DGKB: variants seen among roughly 807,000 people sequenced by gnomAD.
The protein encoded by DGKB is 90 kDa diacylglycerol kinase.
In DGKB, 67 loss-of-function variants were observed where a neutral mutation model predicts 114.3. The observed-to-expected ratio is 0.59, with a 90% CI of 0.48 to 0.72. The LOEUF is 0.72. DGKB is among the 30% of genes least tolerant of loss of function. The pLI, the probability that DGKB is intolerant of heterozygous loss-of-function variation, is 0.00. For missense variants in DGKB, 907 were observed against 975.2 expected (o/e 0.93, Z 0.93); for synonymous variants, 398 against 323.1 (o/e 1.23, Z -2.49).
intron 21 of DGKB, among the ~76,000 whole-genome samples, chr7:14,368,944 C>T (rs1252959111): frequency 1.3e-5 from 2 of 151,700 alleles, no homozygotes; most frequent in African/African-American, 4.8e-5. Context: ...TTTTGTTTTT[C>T]AATTTCTGGG....
chr7:14,256,197 T>C (rs73273678), intron 23 of DGKB, among the ~76,000 whole-genome samples: 8,529 of 152,248 alleles, frequency 0.056, 754 homozygotes, highest in African/African-American at 0.19. Flanking sequence ...ATCTTCCTCT[T>C]CCACATACTC....
intron 1 of DGKB, among the ~76,000 whole-genome samples, chr7:14,972,420 G>C (rs1265190748): frequency 6.6e-6 from 1 of 151,922 alleles, no homozygotes; most frequent in East Asian, 1.9e-4. Flanking sequence ...TTCCAGATCA[G>C]TTAACTAAAA....
chr7:14,763,916 G>A (rs960559182), intron 2 of DGKB, among the ~76,000 whole-genome samples: 1 of 151,930 alleles, frequency 6.6e-6, no homozygotes, highest in Non-Finnish European at 1.5e-5. Flanking sequence ...AGAGATATTG[G>A]TTTTCCAGGC....
At position 14,158,144 on chromosome 7, in the gene DGKB, C is replaced by A. The variant is rs939233553; in HGVS notation, c.2305-8906G>T. Among the ~76,000 whole-genome samples the A allele has an allele frequency of 3.9e-5, 6 of 152,234 alleles. No individual in the cohort carries two copies. In the East Asian group the frequency reaches 9.6e-4, roughly 24 times the overall value. Reference sequence around the variant, plus strand: ...TACTTTGAAAGACCACTACAAATACCAAATAAGGCTATGCATGTCATATAC... The same window carrying A: ...TACTTTGAAAGACCACTACAAATACAAAATAAGGCTATGCATGTCATATAC... On this transcript the variant is annotated intron_variant, in intron 25 of 25. Transcript: ENST00000402815.
chr7:14,862,133 TC>T (rs924703707), intron 1 of DGKB, among the ~76,000 whole-genome samples: 12 of 151,678 alleles, frequency 7.9e-5, no homozygotes, highest in African/African-American at 2.9e-4. Flanking sequence ...TTATTTTCTT[TC>T]CCCCCCAGCT....
At chr7:14,302,429 A>T (rs998933626) in intron 23 of DGKB, among the ~76,000 whole-genome samples, 7 of 152,040 alleles carry the variant, frequency 4.6e-5, no homozygotes, top group African/African-American at 1.7e-4. Context: ...TTAAATTGTA[A>T]GTTAGATCAT....
chr7:14,602,874 T>A (rs1002997970), intron 17 of DGKB, among the ~76,000 whole-genome samples: 1 of 152,130 alleles, frequency 6.6e-6, no homozygotes, highest in Non-Finnish European at 1.5e-5. Flanking sequence ...TTCTTTAGAG[T>A]GTTTCAGCAA....
At chr7:14,753,882 A>G in intron 4 of DGKB, 46 bp downstream of exon 4, 2 of 1,172,258 alleles carry the variant, frequency 1.7e-6, no homozygotes, top group South Asian at 1.3e-5. Context: ...TCATATCAGA[A>G]TAAAGAAAGA....
At chr7:14,169,364 C>CAAAAA (rs35418998) in intron 25 of DGKB, among the ~76,000 whole-genome samples, 23 of 65,272 alleles carry the variant, frequency 3.5e-4, no homozygotes, top group Non-Finnish European at 4.7e-4. Context: ...GACTCCGTCT[C>CAAAAA]AAAAAAAAAA....
At chr7:14,400,977 A>G (rs933553937) in intron 21 of DGKB, among the ~76,000 whole-genome samples, 2 of 151,786 alleles carry the variant, frequency 1.3e-5, no homozygotes, top group South Asian at 2.1e-4. Flanking sequence ...GCTGTCCTGT[A>G]CTAGATATGT....
intron 1 of DGKB, among the ~76,000 whole-genome samples, chr7:14,871,685 G>A (rs1852482486): frequency 6.6e-6 from 1 of 152,178 alleles, no homozygotes; most frequent in South Asian, 2.1e-4. Context: ...TTAGGAACAC[G>A]CAGCTCACTC....
At chr7:14,518,105 T>C (rs935523025) in intron 20 of DGKB, among the ~76,000 whole-genome samples, 1 of 152,144 alleles carries the variant, frequency 6.6e-6, no homozygotes, top group African/African-American at 2.4e-5. Context: ...ATGTGGTACA[T>C]ATACACTATG....
At chr7:14,203,606 C>A (rs76485401) in intron 23 of DGKB, among the ~76,000 whole-genome samples, 19 of 152,052 alleles carry the variant, frequency 1.2e-4, no homozygotes, top group African/African-American at 4.6e-4. Flanking sequence ...TTGTATAATG[C>A]ATAACTGAAG....
intron 21 of DGKB, among the ~76,000 whole-genome samples, chr7:14,357,925 C>A (rs905421644): frequency 3.3e-5 from 5 of 151,772 alleles, no homozygotes; most frequent in African/African-American, 1.2e-4. Flanking sequence ...AATATTGGCC[C>A]CTACTCTGGC....
At chr7:14,479,353 T>A (rs1782653935) in intron 20 of DGKB, among the ~76,000 whole-genome samples, 1 of 152,184 alleles carries the variant, frequency 6.6e-6, no homozygotes, top group South Asian at 2.1e-4. Flanking sequence ...CAATGCCCAC[T>A]GCAGATGGCA....
chr7:14,283,503 GA>G (rs1271832154), intron 23 of DGKB, among the ~76,000 whole-genome samples: 2 of 149,928 alleles, frequency 1.3e-5, no homozygotes, highest in African/African-American at 5.0e-5. Context: ...CACAGAATTG[GA>G]AAAAACTACT....
At chr7:14,620,627 A>G (rs1461149977) in intron 15 of DGKB, among the ~76,000 whole-genome samples, 1 of 151,830 alleles carries the variant, frequency 6.6e-6, no homozygotes, top group Non-Finnish European at 1.5e-5. Flanking sequence ...GTAGAAAAAC[A>G]TACTTAAATC....
intron 1 of DGKB, among the ~76,000 whole-genome samples, chr7:14,942,690 C>T (rs73287078): frequency 6.6e-6 from 1 of 150,744 alleles, no homozygotes; most frequent in Non-Finnish European, 1.5e-5. Flanking sequence ...CTTTCAGGTT[C>T]TTTGACTTTT....
At chr7:14,625,503 A>G (rs1389944491) in intron 14 of DGKB, among the ~76,000 whole-genome samples, 1 of 139,890 alleles carries the variant, frequency 7.1e-6, no homozygotes, top group Non-Finnish European at 1.6e-5. Context: ...TTAATTACCA[A>G]TGTTGAAGTT....
Sources: gnomAD v4.1 joint callset for allele counts (sites outside exome capture counted in the v4.1 genomes callset) on GRCh38, gnomAD v4.1.1 for gene constraint, MANE v1.5 for transcripts, NCBI Gene and HGNC (gene_info 2026-07-23, HGNC 2026-07-21) for gene names.